Variants in GGACT observed in about 807,000 individuals in gnomAD.
GGACT encodes gamma-glutamylamine cyclotransferase.
For synonymous variants in GGACT, 118 were observed against 115.3 expected (o/e 1.02, Z -0.15); for missense variants, 241 against 233.2 (o/e 1.03, Z -0.22).
chr13:100,565,190 G>T (rs2088800283), intron 2 of GGACT, among the ~76,000 whole-genome samples: 1 of 152,122 alleles, frequency 6.6e-6, no homozygotes, highest in Non-Finnish European at 1.5e-5. Context: ...TAAAATCTCA[G>T]GGAAAACTTC....
intron 2 of GGACT, among the ~76,000 whole-genome samples, chr13:100,550,005 T>A (rs1009611107): frequency 2.0e-5 from 3 of 152,180 alleles, no homozygotes; most frequent in Non-Finnish European, 4.4e-5. Flanking sequence ...CCAAGTTAAA[T>A]TCAATTAAAA....
At position 100,532,067 on chromosome 13, in the gene GGACT, A is replaced by G; in HGVS notation, c.*63T>C. 2 of 1,236,648 alleles carry G rather than the reference A, an allele frequency of 1.6e-6. No homozygotes were observed. The highest frequency in any genetic ancestry group is 2.1e-6 in the Non-Finnish European group (2 of 932,196). The allele number at this position is 1,236,648 out of a possible 1,614,324, so 76.6% of individuals were successfully genotyped here. The stretch of plus-strand genomic sequence containing the variant: ...TGTTCGGCTTCCGCCTTCACCCAGC[A>G]TGGGCTGGGCGCATCTTGGAGCCCC... On this transcript the variant is annotated 3_prime_UTR_variant, in exon 3 of 3. Transcript: ENST00000683975.
intron 1 of GGACT, among the ~76,000 whole-genome samples, chr13:100,586,198 A>G (rs1405840575): frequency 1.3e-5 from 2 of 152,174 alleles, no homozygotes; most frequent in African/African-American, 4.8e-5. Context: ...CTCTGGAGAA[A>G]CATACTGAAC....
At chr13:100,571,891 A>G (rs1875092930) in intron 2 of GGACT, among the ~76,000 whole-genome samples, 1 of 152,242 alleles carries the variant, frequency 6.6e-6, no homozygotes, top group African/African-American at 2.4e-5. Context: ...TATATCACAG[A>G]TATAATAATG....
chr13:100,532,493 G>C lies in GGACT; in HGVS notation c.99C>G (p.Arg33=), dbSNP rs1042786516. The C allele has an allele frequency of 1.4e-5, 22 of 1,548,828 alleles. No homozygotes were observed. The highest frequency in any genetic ancestry group is 1.9e-5 in the Non-Finnish European group (22 of 1,146,234). The part of the protein sequence containing the change: ...GAHGSAAFRA[R]GRTLEPYPLV... Reference sequence around the variant, plus strand: ...ACGGGTAGGGCTCCAGCGTGCGGCCGCGCGCCCGAAAGGCTGCGGAGCCGT... The same window carrying C: ...ACGGGTAGGGCTCCAGCGTGCGGCCCCGCGCCCGAAAGGCTGCGGAGCCGT... Residue 33 remains arginine, a synonymous_variant, in exon 3 of 3, where the codon CGC becomes CGG. Transcript: ENST00000683975.
chr13:100,550,780 AG>A (rs2088655931), intron 2 of GGACT, among the ~76,000 whole-genome samples: 1 of 152,206 alleles, frequency 6.6e-6, no homozygotes, highest in African/African-American at 2.4e-5. Context: ...CACTCGCTTC[AG>A]AAACAGCAGA....
chr13:100,546,468 ACAACAT>A (rs1444430141), intron 2 of GGACT, among the ~76,000 whole-genome samples: 1 of 97,234 alleles, frequency 1.0e-5, no homozygotes, highest in Admixed American at 1.1e-4. Flanking sequence ...CTGATATTGT[ACAACAT>A]AAACATAAAG....
chr13:100,568,911 A>G (rs892164945), intron 2 of GGACT, among the ~76,000 whole-genome samples: 2 of 152,282 alleles, frequency 1.3e-5, no homozygotes, highest in African/African-American at 4.8e-5. Flanking sequence ...TGCAAGTCTG[A>G]AATCCAATAG....
chr13:100,569,085 T>G (rs1019430511), intron 2 of GGACT, among the ~76,000 whole-genome samples: 2 of 152,236 alleles, frequency 1.3e-5, no homozygotes, highest in African/African-American at 2.4e-5. Context: ...CAGACTGGCA[T>G]TGAGTGTCTG....
intron 2 of GGACT, chr13:100,535,619 A>G (rs1485133345): frequency 6.6e-6 from 1 of 152,204 alleles, no homozygotes; most frequent in African/African-American, 2.4e-5. Flanking sequence ...TGGCTCTCCT[A>G]CCACATCCCG....
chr13:100,549,175 C>A (rs962535122), intron 2 of GGACT, among the ~76,000 whole-genome samples: 9 of 152,090 alleles, frequency 5.9e-5, no homozygotes, highest in African/African-American at 2.2e-4. Flanking sequence ...GAAGCCCTGT[C>A]TCTACTAAAA....
chr13:100,588,005 A>G (rs570077768), intron 1 of GGACT, among the ~76,000 whole-genome samples: 2 of 152,332 alleles, frequency 1.3e-5, no homozygotes, highest in East Asian at 3.9e-4. Flanking sequence ...CAGCCTGGGC[A>G]ACAGGGCAAG....
intron 2 of GGACT, among the ~76,000 whole-genome samples, chr13:100,552,982 G>A (rs781728205): frequency 1.2e-4 from 18 of 152,170 alleles, no homozygotes; most frequent in African/African-American, 4.3e-4. Context: ...GCCAGGTGGC[G>A]GGTGGCTGGG....
intron 2 of GGACT, among the ~76,000 whole-genome samples, chr13:100,562,856 G>A (rs1352978950): frequency 6.6e-6 from 1 of 151,772 alleles, no homozygotes; most frequent in Non-Finnish European, 1.5e-5. Context: ...AAACTTGGGT[G>A]GTTTCTTGAC....
In GGACT at chr13:100,531,262, G is replaced by T; in HGVS notation, c.*868C>A. On this transcript the variant is annotated 3_prime_UTR_variant, in exon 3 of 3. Transcript: ENST00000683975. ...GTGCCTTGCTAAAATTATTTTAAGT[G>T]CTGTTTGTATTTGGAAGCTAAGCTT... The T allele has an allele frequency of 1.0e-5, 1 of 97,560 alleles. No individual in the cohort carries two copies. Among genetic ancestry groups the T allele is most frequent in the Non-Finnish European group, 2.1e-5 (1 of 46,518 alleles). The allele number at this position is 97,560 out of a possible 1,614,324, so 6.0% of individuals were successfully genotyped here. A position where few individuals can be genotyped will look rare whatever the true frequency, so the allele number is the denominator to read the frequency against.
At chr13:100,575,662 G>C (rs1481249874) in intron 2 of GGACT, among the ~76,000 whole-genome samples, 1 of 152,150 alleles carries the variant, frequency 6.6e-6, no homozygotes, top group Non-Finnish European at 1.5e-5. Context: ...TACTTGGGAG[G>C]CTGAGGCAGG....
At chr13:100,576,186 A>G (rs1475248121) in intron 2 of GGACT, among the ~76,000 whole-genome samples, 1 of 152,228 alleles carries the variant, frequency 6.6e-6, no homozygotes, top group Non-Finnish European at 1.5e-5. Flanking sequence ...ATTTAATCCA[A>G]TAACTTGTAA....
In GGACT at chr13:100,532,455, C is replaced by T. The variant is rs2088421946; in HGVS notation, c.137G>A (p.Gly46Glu). ...CAGCAGCCACGGGATGTTGTGCTCC[C>T]CCGCGATCACCAACGGGTAGGGCTC... Reference protein sequence around the residue: ...TLEPYPLVIAGEHNIPWLLHL... With the variant: ...TLEPYPLVIAEEHNIPWLLHL... The change falls in exon 3 of 3, where the codon GGG (glycine) becomes GAG (glutamate). Residue 46 changes from glycine (G) to glutamate (E), a missense_variant. Gly to Glu is a moderately conservative substitution (Grantham distance 98). Coordinates refer to ENST00000683975, the MANE Select transcript of GGACT (RefSeq NM_001195087.2). 1 of 1,549,790 alleles carries T rather than the reference C, an allele frequency of 6.5e-7. No individual in the cohort carries two copies. Among genetic ancestry groups the T allele is most frequent in the East Asian group, 2.4e-5 (1 of 40,906 alleles).
chr13:100,569,547 A>G (rs762181248), intron 2 of GGACT, among the ~76,000 whole-genome samples: 3 of 152,176 alleles, frequency 2.0e-5, no homozygotes, highest in Non-Finnish European at 4.4e-5. Flanking sequence ...CTAGCCCACA[A>G]AAGCATTTTT....
Sources: allele counts gnomAD v4.1 joint callset (sites outside exome capture counted in the v4.1 genomes callset), GRCh38; gene constraint gnomAD v4.1.1; transcripts MANE v1.5; gene names NCBI Gene and HGNC (gene_info 2026-07-23, HGNC 2026-07-21).